AK5: variants seen among roughly 807,000 people sequenced by gnomAD.
AK5 encodes the protein adenylate kinase 5.
In AK5, 27 loss-of-function variants were observed where a neutral mutation model predicts 69.5. That is an observed-to-expected ratio of 0.39 (90% confidence interval 0.29 to 0.54). AK5 has a LOEUF of 0.54. Among genes scored for constraint, AK5 ranks in the 20% least tolerant of loss-of-function variants. AK5 has a pLI of 0.71. For missense variants in AK5, 531 were observed against 700.4 expected (o/e 0.76, Z 2.73); for synonymous variants, 260 against 244.4 (o/e 1.06, Z -0.60).
chr1:77,414,722 A>G lies in AK5; in HGVS notation c.983-2917A>G, dbSNP rs1190168349. On this transcript the variant is annotated intron_variant, in intron 7 of 13. Coordinates refer to ENST00000354567, the MANE Select transcript of AK5 (RefSeq NM_174858.3). ...ATTCAAAACGGGGAAAATGAAAGCT[A>G]CACTATCACTTTTTCGTAACATCCT... Among the ~76,000 whole-genome samples the G allele has an allele frequency of 2.0e-5, 3 of 152,222 alleles. No homozygotes were observed. In the East Asian group the frequency reaches 5.8e-4, roughly 29 times the overall value.
intron 5 of AK5, among the ~76,000 whole-genome samples, chr1:77,306,874 C>T (rs1413523472): frequency 4.6e-5 from 7 of 152,178 alleles, no homozygotes; most frequent in South Asian, 2.1e-4. Context: ...AATTTATTGG[C>T]GTATAGCTGC....
chr1:77,368,253 A>ATATGTT, intron 6 of AK5, among the ~76,000 whole-genome samples: 1 of 38,668 alleles, frequency 2.6e-5, no homozygotes, highest in Non-Finnish European at 7.0e-5. Context: ...ATATATATAT[A>ATATGTT]ATATATATGT....
intron 8 of AK5, among the ~76,000 whole-genome samples, chr1:77,427,277 T>C (rs1462950366): frequency 6.6e-6 from 1 of 151,414 alleles, no homozygotes; most frequent in East Asian, 1.9e-4. Context: ...AAGGAAAAAA[T>C]AGAGAAACAC....
chr1:77,437,274 A>G (rs930729877), intron 8 of AK5, among the ~76,000 whole-genome samples: 2 of 152,160 alleles, frequency 1.3e-5, no homozygotes, highest in African/African-American at 2.4e-5. Flanking sequence ...TAATTAATTA[A>G]TTAGCTCTTT....
At chr1:77,380,140 C>T (rs1245892038) in intron 6 of AK5, among the ~76,000 whole-genome samples, 2 of 152,142 alleles carry the variant, frequency 1.3e-5, no homozygotes, top group Admixed American at 6.5e-5. Context: ...TCTTTGGCAT[C>T]CTCCTCGGCA....
At chr1:77,485,016 T>C (rs758756996) in intron 9 of AK5, among the ~76,000 whole-genome samples, 2 of 152,210 alleles carry the variant, frequency 1.3e-5, no homozygotes, top group Admixed American at 1.3e-4. Context: ...TTTCCTAGAT[T>C]GCAAATAGGC....
Position 77,558,490 on chromosome 1 carries a change from GT to G in AK5, c.1621-111del, listed in dbSNP as rs981343372. ...TTCTCTGTGTTTTGGGGGGGGTCTT[GT>G]GTTTTAAAATTTTGCAGAGCAAATT... is the stretch of plus-strand genomic sequence containing the variant. On this transcript the variant is annotated intron_variant, in intron 13 of 13. Transcript: ENST00000354567. The G allele has an allele frequency of 6.8e-6, 4 of 589,046 alleles. No individual in the cohort carries two copies. The Admixed American group carries it at 1.3e-4, about 19-fold the overall frequency. 36.5% of individuals were successfully genotyped at this position (589,046 alleles called of 1,614,324 possible). A position where few individuals can be genotyped will look rare whatever the true frequency, so the allele number is the denominator to read the frequency against.
chr1:77,338,146 G>A (rs930299708), intron 5 of AK5, among the ~76,000 whole-genome samples: 3 of 151,884 alleles, frequency 2.0e-5, no homozygotes, highest in Admixed American at 1.3e-4. Context: ...TTTATTTTTA[G>A]TAGAGACGGG....
intron 8 of AK5, among the ~76,000 whole-genome samples, chr1:77,455,818 A>T (rs1215808172): frequency 1.3e-5 from 2 of 152,146 alleles, no homozygotes; most frequent in East Asian, 3.8e-4. Context: ...GAGCAAAGTT[A>T]GGTTTTGAAA....
chr1:77,361,077 C>G (rs1206313555), intron 6 of AK5, among the ~76,000 whole-genome samples: 1 of 152,196 alleles, frequency 6.6e-6, no homozygotes, highest in Non-Finnish European at 1.5e-5. Flanking sequence ...GTCCAGTTTT[C>G]CCATCCAAGC....
At chr1:77,291,543 C>T (rs1390100142) in intron 2 of AK5, among the ~76,000 whole-genome samples, 2 of 152,120 alleles carry the variant, frequency 1.3e-5, no homozygotes, top group Admixed American at 1.3e-4. Flanking sequence ...TAAAGCTAAA[C>T]CCTTTACCAT....
chr1:77,364,311 C>G (rs1339076550), intron 6 of AK5, among the ~76,000 whole-genome samples: 3 of 152,118 alleles, frequency 2.0e-5, no homozygotes, highest in African/African-American at 7.2e-5. Context: ...ATGTAAGGTG[C>G]AATGATCAGA....
intron 6 of AK5, among the ~76,000 whole-genome samples, chr1:77,345,271 G>T (rs1259887903): frequency 6.6e-6 from 1 of 152,118 alleles, no homozygotes; most frequent in East Asian, 1.9e-4. Context: ...GTGGTCACAG[G>T]ATGTATGAAA....
chr1:77,326,879 A>T (rs190202296), intron 5 of AK5, among the ~76,000 whole-genome samples: 1 of 152,308 alleles, frequency 6.6e-6, no homozygotes, highest in East Asian at 1.9e-4. Context: ...ATTAATTGCT[A>T]TGCAGATTAA....
Position 77,433,081 on chromosome 1 carries a change from C to T in AK5, c.1059+15366C>T, listed in dbSNP as rs374595208. 1.4e-3 allele frequency among the ~76,000 whole-genome samples: 217 copies of T among 152,210 alleles called. 1 individual carries two copies. Among genetic ancestry groups the T allele is most frequent in the African/African-American group, 5.1e-3 (213 of 41,526 alleles). ...TCTCTTGAAATTTATATCAAGTTGT[C>T]TAGCTTCATCTTCTAAGGCGGCAAG... On this transcript the variant is annotated intron_variant, in intron 8 of 13. Transcript: ENST00000354567.
chr1:77,357,875 C>T (rs1334362934), intron 6 of AK5, among the ~76,000 whole-genome samples: 1 of 152,164 alleles, frequency 6.6e-6, no homozygotes, highest in East Asian at 1.9e-4. Context: ...GAAGGATGAG[C>T]AGCTTTCAAG....
intron 8 of AK5, among the ~76,000 whole-genome samples, chr1:77,422,591 C>T (rs925499727): frequency 2.2e-4 from 33 of 152,062 alleles, no homozygotes; most frequent in African/African-American, 8.0e-4. Flanking sequence ...GCTTCTGTCC[C>T]GTGTGACCTC....
chr1:77,499,073 A>G (rs1029733141), intron 10 of AK5, among the ~76,000 whole-genome samples: 1 of 152,222 alleles, frequency 6.6e-6, no homozygotes, highest in African/African-American at 2.4e-5. Flanking sequence ...CCATTTTACC[A>G]TAGGAGATCA....
intron 5 of AK5, among the ~76,000 whole-genome samples, chr1:77,306,584 G>C (rs1659657998): frequency 6.7e-6 from 1 of 148,850 alleles, no homozygotes; most frequent in African/African-American, 2.5e-5. Flanking sequence ...TCTTTCTCTG[G>C]TTTTGGTATC....
Sources: gnomAD v4.1 joint callset for allele counts (sites outside exome capture counted in the v4.1 genomes callset) on GRCh38, gnomAD v4.1.1 for gene constraint, MANE v1.5 for transcripts, NCBI Gene and HGNC (gene_info 2026-07-23, HGNC 2026-07-21) for gene names.